The following ZNF385D variants were observed in gnomAD, a reference collection of about 807,000 sequenced individuals.
The protein encoded by ZNF385D is zinc finger protein 659.
ZNF385D carries 15 observed loss-of-function variants against 35.8 expected under a neutral mutation model. The ratio of observed to expected loss-of-function variants is 0.42; its 90% CI spans 0.28 to 0.64. ZNF385D has a LOEUF of 0.64. ZNF385D is among the 30% of genes least tolerant of loss of function. ZNF385D has a pLI of 0.23. For missense variants in ZNF385D, 474 were observed against 494.6 expected, an observed-to-expected ratio of 0.96 and a Z score of 0.39; for synonymous variants, 212 against 186.8, an observed-to-expected ratio of 1.13 and a Z score of -1.10.
chr3:22,015,258 T>C (rs1465766346), intron 3 of ZNF385D, among the ~76,000 whole-genome samples: 2 of 152,150 alleles, frequency 1.3e-5, no homozygotes, highest in Admixed American at 1.3e-4. Flanking sequence ...TATAATGCCT[T>C]AATTAGCATA....
At chr3:21,785,963 G>C (rs184457609) in intron 3 of ZNF385D, among the ~76,000 whole-genome samples, 2 of 151,708 alleles carry the variant, frequency 1.3e-5, no homozygotes, top group South Asian at 2.1e-4. Context: ...GTGAGAAAGC[G>C]AGAAACAAAA....
Position 21,616,694 on chromosome 3 carries a change from A to T in ZNF385D, c.165+48192T>A, listed in dbSNP as rs2064856616. ...TACTTAGTATGTGGGTTGTTAAAAC[A>T]TCTCTAAACAATAGTGAACATCTCT... On this transcript the variant is annotated intron_variant, in intron 2 of 7. Transcript: ENST00000281523. Among the ~76,000 whole-genome samples, 3 of 152,332 alleles carry T rather than the reference A, an allele frequency of 2.0e-5. No individual in the cohort carries two copies. In the South Asian group the frequency reaches 6.2e-4, roughly 32 times the overall value.
At chr3:21,751,635 G>A (rs1274369034), upstream of ZNF385D, among the ~76,000 whole-genome samples, 1 of 151,992 alleles carries the variant, frequency 6.6e-6, no homozygotes, top group Non-Finnish European at 1.5e-5. Context: ...TATTTTTTGT[G>A]ATGTTTATAT....
rs536487161 is a variant in ZNF385D, at chr3:21,812,297, G to T, written c.326-147269C>A. On this transcript the variant is annotated intron_variant, in intron 3 of 5. Transcript: ENST00000494108. ...CCCAGCATGAGTGACGCAGAAGATGGGTGATTTCTGAATTTCCAACTGAGG... is the reference window on the plus strand; with the variant it reads ...CCCAGCATGAGTGACGCAGAAGATGTGTGATTTCTGAATTTCCAACTGAGG... 3.7e-4 allele frequency among the ~76,000 whole-genome samples: 56 copies of T among 152,344 alleles called. No homozygotes were observed. The South Asian group carries it at 0.011, about 30-fold the overall frequency.
chr3:21,561,500 G>C (rs961311723), intron 3 of ZNF385D, among the ~76,000 whole-genome samples: 2 of 152,182 alleles, frequency 1.3e-5, no homozygotes, highest in Non-Finnish European at 1.5e-5. Flanking sequence ...GTCCCAATGA[G>C]ATGAACTGGG....
chr3:21,687,037 C>G (rs1038553897), intron 1 of ZNF385D, among the ~76,000 whole-genome samples: 5 of 152,172 alleles, frequency 3.3e-5, no homozygotes, highest in African/African-American at 1.2e-4. Context: ...GCCCAGGCCT[C>G]AAGAGACCCT....
intron 3 of ZNF385D, among the ~76,000 whole-genome samples, chr3:22,006,298 T>A (rs1019446248): frequency 6.6e-6 from 1 of 152,088 alleles, no homozygotes; most frequent in African/African-American, 2.4e-5. Flanking sequence ...AAAAAGTCAA[T>A]TGCAAATGGT....
chr3:21,999,780 A>AT (rs201013956), intron 3 of ZNF385D, among the ~76,000 whole-genome samples: 14,612 of 122,038 alleles, frequency 0.12, 789 homozygotes, highest in Middle Eastern at 0.14. Context: ...CAAAAAAAAA[A>AT]AAAATAATAA....
intron 5 of ZNF385D, among the ~76,000 whole-genome samples, 168 bp from the exon 6 acceptor site, chr3:21,425,838 G>C (rs1253466740): frequency 6.6e-6 from 1 of 152,106 alleles, no homozygotes; most frequent in African/African-American, 2.4e-5. Flanking sequence ...GGCATTATGG[G>C]CAGAAGTATA....
Position 21,935,339 on chromosome 3 carries a change from C to T in ZNF385D, c.325+233478G>A, listed in dbSNP as rs76212977. On this transcript the variant is annotated intron_variant, in intron 3 of 5. Transcript: ENST00000494108. Reference sequence around the variant, plus strand: ...TCTGCAGCACTTACTAAGCAAAAAACACTGTGGTACGTGCCTTATTAACTC... The same window carrying T: ...TCTGCAGCACTTACTAAGCAAAAAATACTGTGGTACGTGCCTTATTAACTC... 5.1e-3 allele frequency among the ~76,000 whole-genome samples: 779 copies of T among 152,234 alleles called. 10 individuals are homozygous for T. The highest frequency in any genetic ancestry group is 0.018 in the African/African-American group (743 of 41,548).
At chr3:21,744,343 T>C (rs17009438) in intron 1 of ZNF385D, among the ~76,000 whole-genome samples, 13,116 of 152,250 alleles carry the variant, frequency 0.086, 916 homozygotes, top group East Asian at 0.27. Context: ...CTCAGAGCAA[T>C]CTGCTACAAC....
intron 2 of ZNF385D, among the ~76,000 whole-genome samples, chr3:22,198,855 CTGT>C (rs1417067415): frequency 6.6e-6 from 1 of 152,048 alleles, no homozygotes; most frequent in Non-Finnish European, 1.5e-5. Context: ...GAGAAATCAG[CTGT>C]TATTAGATTC....
chr3:22,225,994 A>T (rs761006871), intron 2 of ZNF385D, among the ~76,000 whole-genome samples: 1 of 152,108 alleles, frequency 6.6e-6, no homozygotes, highest in Non-Finnish European at 1.5e-5. Flanking sequence ...CCCATCTCCC[A>T]TTCCCATTGA....
rs770124888 is a variant in ZNF385D at position 21,421,208 on chromosome 3, T to C, written c.*6A>G. The C allele has an allele frequency of 1.2e-6, 2 of 1,612,402 alleles. No homozygotes were observed. The highest frequency in any genetic ancestry group is 1.1e-5 in the South Asian group (1 of 91,028). On this transcript the variant is annotated 3_prime_UTR_variant, in exon 8 of 8. Coordinates refer to ENST00000281523, the MANE Select transcript of ZNF385D (RefSeq NM_024697.3). ...TTATTGCAGTACAATTACTCCTATT[T>C]GGAATTTAGTAAGGAGCAAACAGCA...
chr3:22,330,186 CT>C lies in ZNF385D; in HGVS notation c.106+42263del, dbSNP rs1220474747. 4.6e-5 allele frequency among the ~76,000 whole-genome samples: 7 copies of C among 152,186 alleles called. No individual in the cohort carries two copies. In the South Asian group the frequency reaches 1.2e-3, roughly 27 times the overall value. On this transcript the variant is annotated intron_variant, in intron 2 of 5. Coordinates refer to the ZNF385D transcript ENST00000494108. ...CTGATTCATTTTTACAAGAAGTATT[CT>C]TATTTTCTGCCTTTTACACTTTCAT...
At chr3:21,555,479 T>C (rs963481369) in intron 3 of ZNF385D, among the ~76,000 whole-genome samples, 2 of 152,180 alleles carry the variant, frequency 1.3e-5, no homozygotes, top group Non-Finnish European at 2.9e-5. Flanking sequence ...TTTTCTGTTC[T>C]TCTGTTAGTT....
At chr3:21,946,713 T>C (rs1324607558) in intron 3 of ZNF385D, among the ~76,000 whole-genome samples, 1 of 152,044 alleles carries the variant, frequency 6.6e-6, no homozygotes, top group Non-Finnish European at 1.5e-5. Flanking sequence ...GCACCTGTAA[T>C]GCCAGCTACT....
At chr3:22,065,654 G>C (rs1338378221) in intron 3 of ZNF385D, among the ~76,000 whole-genome samples, 1 of 148,512 alleles carries the variant, frequency 6.7e-6, no homozygotes, top group Non-Finnish European at 1.5e-5. Flanking sequence ...AGTTCAGTTA[G>C]GCAAATACAC....
chr3:22,276,315 C>T (rs972574765), intron 2 of ZNF385D, among the ~76,000 whole-genome samples: 1 of 152,102 alleles, frequency 6.6e-6, no homozygotes, highest in Non-Finnish European at 1.5e-5. Flanking sequence ...TTAATTTCCA[C>T]TGTACATTAT....
Sources: allele counts gnomAD v4.1 joint callset (sites outside exome capture counted in the v4.1 genomes callset), GRCh38; gene constraint gnomAD v4.1.1; transcripts MANE v1.5; gene names NCBI Gene and HGNC (gene_info 2026-07-23, HGNC 2026-07-21).